HYDIN: variants seen among roughly 807,000 people sequenced by gnomAD.
HYDIN encodes the protein HYDIN axonemal central pair apparatus protein, also known as axonemal central pair apparatus protein HYDIN.
HYDIN carries 132 observed loss-of-function variants against 403.9 expected under a neutral mutation model. That is an observed-to-expected ratio of 0.33 (90% CI 0.28 to 0.38). The LOEUF (loss-of-function observed/expected upper bound fraction) is 0.38. HYDIN is among the 10% of genes least tolerant of loss of function. HYDIN has a pLI of 1.00. For synonymous variants in HYDIN, 1,202 were observed against 1,891.7 expected (o/e 0.64, Z 9.46); for missense variants, 2,827 against 5,009.5 (o/e 0.56, Z 13.15).
At position 70,889,669 on chromosome 16, in the gene HYDIN, C is replaced by G. The variant is rs2041357432; in HGVS notation, c.9692G>C (p.Ser3231Thr). 1 of 651,800 alleles carries G rather than the reference C, an allele frequency of 1.5e-6. No individual in the cohort carries two copies. Among genetic ancestry groups the G allele is most frequent in the Non-Finnish European group, 2.6e-6 (1 of 378,678 alleles). 40.4% of individuals were successfully genotyped at this position (651,800 alleles called of 1,614,324 possible). A position where few individuals can be genotyped will look rare whatever the true frequency, so the allele number is the denominator to read the frequency against. ...SHVRHARSRE[S>T]ESFYKTGSSR... ...AGAGCCAGTTTTGTAGAAGCTCTCACTTTCTCGGGATCTTGCATGTCTGAC... is the reference window on the plus strand; with the variant it reads ...AGAGCCAGTTTTGTAGAAGCTCTCAGTTTCTCGGGATCTTGCATGTCTGAC... The change falls in exon 58 of 86, where the codon AGT becomes ACT. Residue 3231 changes from serine to threonine, a missense_variant. Transcript: ENST00000393567.
At chr16:71,228,044 A>G (rs1487119023) in intron 1 of HYDIN, among the ~76,000 whole-genome samples, 1 of 152,182 alleles carries the variant, frequency 6.6e-6, no homozygotes, top group Non-Finnish European at 1.5e-5. Context: ...AAACCTGACA[A>G]AAACAAGAAA....
intron 3 of HYDIN, among the ~76,000 whole-genome samples, chr16:71,183,230 A>G (rs1054120306): frequency 2.6e-5 from 4 of 152,048 alleles, no homozygotes; most frequent in African/African-American, 9.7e-5. Context: ...TAAAAGAAAT[A>G]TATACATAAC....
chr16:70,956,288 A>G (rs1234974473), intron 39 of HYDIN, among the ~76,000 whole-genome samples: 2 of 151,300 alleles, frequency 1.3e-5, no homozygotes, highest in Non-Finnish European at 2.9e-5. Flanking sequence ...CAATTCAGAT[A>G]TAACAGACAA....
chr16:71,149,299 G>T (rs967046535), intron 7 of HYDIN, among the ~76,000 whole-genome samples: 1 of 151,038 alleles, frequency 6.6e-6, no homozygotes. Flanking sequence ...TGAGAATGTG[G>T]AATTTCATAC....
chr16:70,921,468 G>C (rs1194716117), intron 45 of HYDIN, among the ~76,000 whole-genome samples: 1 of 152,138 alleles, frequency 6.6e-6, no homozygotes, highest in Non-Finnish European at 1.5e-5. Flanking sequence ...AAAAGGTGCA[G>C]AGTGACTTTG....
intron 43 of HYDIN, chr16:70,941,342 G>A: frequency 4.3e-6 from 1 of 234,712 alleles, no homozygotes; most frequent in East Asian, 8.4e-5. Flanking sequence ...ATGCACAGTT[G>A]GCTTAAACAA....
Position 70,829,815 on chromosome 16 carries a change from A to G in HYDIN, c.13915T>C (p.Cys4639Arg). 1.2e-6 allele frequency: 2 copies of G among 1,614,014 alleles called. No homozygotes were observed. Among genetic ancestry groups the G allele is most frequent in the Non-Finnish European group, 1.7e-6 (2 of 1,179,866 alleles). Reference protein sequence around the residue: ...PAVKEVVNFTCQVRSKHTQTI... With the variant: ...PAVKEVVNFTRQVRSKHTQTI... Reference sequence around the variant, plus strand: ...TGCGTGTGCTTGGAGCGCACCTGGCACGTGAAATTCACTACCTGGAAGAAA... The same window carrying G: ...TGCGTGTGCTTGGAGCGCACCTGGCGCGTGAAATTCACTACCTGGAAGAAA... Residue 4639 changes from cysteine (C) to arginine (R), a missense_variant, in exon 81 of 86, where the codon TGC becomes CGC. Coordinates refer to ENST00000393567, the MANE Select transcript of HYDIN (RefSeq NM_001270974.2).
At chr16:70,962,633 CTA>C (rs1187413895) in intron 37 of HYDIN, among the ~76,000 whole-genome samples, 3 of 150,156 alleles carry the variant, frequency 2.0e-5, no homozygotes, top group Admixed American at 6.6e-5. Context: ...TTAGGGACAG[CTA>C]TCCTTTCGTT....
intron 6 of HYDIN, among the ~76,000 whole-genome samples, chr16:71,157,899 C>T (rs539319316): frequency 5.6e-4 from 82 of 145,626 alleles, no homozygotes; most frequent in African/African-American, 1.9e-3. Context: ...GGACCAGGGT[C>T]ACCTGGCAGA....
intron 1 of HYDIN, among the ~76,000 whole-genome samples, chr16:71,216,266 A>T (rs1286685537): frequency 6.6e-6 from 1 of 152,226 alleles, no homozygotes; most frequent in Non-Finnish European, 1.5e-5. Context: ...CTATAATATA[A>T]TATCACAAAT....
intron 78 of HYDIN, among the ~76,000 whole-genome samples, chr16:70,834,739 T>G (rs1009171297): frequency 2.6e-5 from 4 of 151,670 alleles, no homozygotes; most frequent in Non-Finnish European, 5.9e-5. Flanking sequence ...TCCCAGCTAC[T>G]CAGGAGGCTG....
intron 1 of HYDIN, among the ~76,000 whole-genome samples, chr16:71,209,544 G>A (rs924820370): frequency 6.6e-6 from 1 of 151,862 alleles, no homozygotes; most frequent in African/African-American, 2.4e-5. Flanking sequence ...AGAGCAATCA[G>A]GCAAGAGAAA....
At chr16:71,223,817 C>G (rs554497789) in intron 1 of HYDIN, among the ~76,000 whole-genome samples, 4 of 151,974 alleles carry the variant, frequency 2.6e-5, no homozygotes, top group African/African-American at 7.3e-5. Context: ...ATTAAAAAGT[C>G]AAAAAACAAT....
chr16:71,207,268 ATAT>A (rs1196236950), intron 1 of HYDIN, among the ~76,000 whole-genome samples: 1 of 152,238 alleles, frequency 6.6e-6, no homozygotes, highest in Non-Finnish European at 1.5e-5. Flanking sequence ...TTGGGGGTCT[ATAT>A]TCAACATTCT....
chr16:70,945,927 C>T (rs986586001), intron 41 of HYDIN, among the ~76,000 whole-genome samples: 113 of 151,996 alleles, frequency 7.4e-4, no homozygotes, highest in African/African-American at 2.4e-3. Context: ...GCAGGCAATG[C>T]GGCAATTCTT....
chr16:71,177,653 T>C (rs1300255730), intron 4 of HYDIN, among the ~76,000 whole-genome samples: 1 of 152,222 alleles, frequency 6.6e-6, no homozygotes, highest in Non-Finnish European at 1.5e-5. Context: ...TTACTTAATT[T>C]CTATTTTGTC....
chr16:71,033,224 G>T lies in HYDIN; in HGVS notation c.2530-1307C>A, dbSNP rs549556073. Among the ~76,000 whole-genome samples the T allele has an allele frequency of 2.0e-5, 3 of 152,272 alleles. No individual in the cohort carries two copies. In the South Asian group the frequency reaches 6.2e-4, roughly 32 times the overall value. On this transcript the variant is annotated intron_variant, in intron 18 of 85. Coordinates refer to ENST00000393567, the MANE Select transcript of HYDIN (RefSeq NM_001270974.2). ...AGGCCAGAGTGAAACTACTTCAGGG[G>T]AATCTAAAGAACAAGAGCAAAGGAT...
chr16:71,115,248 G>A (rs958203669), intron 10 of HYDIN, among the ~76,000 whole-genome samples: 4 of 152,010 alleles, frequency 2.6e-5, no homozygotes, highest in African/African-American at 7.2e-5. Flanking sequence ...GGTTTTATAA[G>A]GGGCTCTTTC....
intron 58 of HYDIN, among the ~76,000 whole-genome samples, chr16:70,884,803 G>T (rs1169421931): frequency 2.0e-5 from 3 of 152,180 alleles, no homozygotes; most frequent in Admixed American, 2.0e-4. Flanking sequence ...CCGGATGACC[G>T]TAGAATGTGC....
Sources: gnomAD v4.1 joint callset for allele counts (sites outside exome capture counted in the v4.1 genomes callset) on GRCh38, gnomAD v4.1.1 for gene constraint, MANE v1.5 for transcripts, NCBI Gene and HGNC (gene_info 2026-07-23, HGNC 2026-07-21) for gene names.